The following ANKRD10 variants were observed in gnomAD, a reference collection of about 807,000 sequenced individuals.
The protein encoded by ANKRD10 is ankyrin repeat domain-containing protein 10.
ANKRD10 carries 14 observed loss-of-function variants against 27.0 expected under a neutral mutation model. That is an observed-to-expected ratio of 0.52 (90% confidence interval 0.34 to 0.81). The LOEUF (loss-of-function observed/expected upper bound fraction) is 0.81, where lower values mean the gene tolerates loss of function less well. Ranked by LOEUF, ANKRD10 falls within the 40% of genes least tolerant of loss-of-function variation. The pLI is 0.01. For missense variants in ANKRD10, 493 were observed against 544.0 expected, an observed-to-expected ratio of 0.91 and a Z score of 0.93; for synonymous variants, 250 against 224.5, an observed-to-expected ratio of 1.11 and a Z score of -1.01.
intron 1 of ANKRD10, among the ~76,000 whole-genome samples, chr13:110,912,994 C>T (rs1369380735): frequency 6.6e-6 from 1 of 152,238 alleles, no homozygotes; most frequent in African/African-American, 2.4e-5. Flanking sequence ...AAAGCTACTA[C>T]TCAAAGTCCC....
chr13:110,890,470 G>C (rs2065045463), intron 4 of ANKRD10, among the ~76,000 whole-genome samples: 1 of 152,200 alleles, frequency 6.6e-6, no homozygotes, highest in Non-Finnish European at 1.5e-5. Flanking sequence ...ACACACTCTT[G>C]TGACGAGTGT....
At position 110,906,035 on chromosome 13, in the gene ANKRD10, G is replaced by A; in HGVS notation, c.453C>T (p.Val151=). 3.8e-6 allele frequency: 6 copies of A among 1,593,092 alleles called. No individual in the cohort carries two copies. Among genetic ancestry groups the A allele is most frequent in the South Asian group, 1.1e-5 (1 of 87,864 alleles). Residue 151 remains valine, a splice_region_variant and synonymous_variant, in exon 3 of 6, where the codon GTC becomes GTT. Transcript: ENST00000267339. ...AAGAATAAACGAAAGACACTTACTCGACGTGAGCCCCATTCGCCACAAGGG... is the reference window on the plus strand; with the variant it reads ...AAGAATAAACGAAAGACACTTACTCAACGTGAGCCCCATTCGCCACAAGGG... The part of the protein sequence containing the change: ...ISALVANGAH[V]DLRNASGLTA...
At chr13:110,880,562 G>GA (rs969298144) in intron 5 of ANKRD10, among the ~76,000 whole-genome samples, 1 of 151,868 alleles carries the variant, frequency 6.6e-6, no homozygotes, top group Non-Finnish European at 1.5e-5. Flanking sequence ...AGCGAAAATG[G>GA]AAAAAAAGGT....
intron 1 of ANKRD10, 60 bp downstream of exon 1, chr13:110,914,665 C>G (rs2065834770): frequency 1.3e-6 from 2 of 1,509,906 alleles, no homozygotes; most frequent in Non-Finnish European, 8.9e-7. Flanking sequence ...CTCAGACCCG[C>G]TTTCCCCGAC....
chr13:110,909,699 T>C (rs2065639926), intron 2 of ANKRD10, among the ~76,000 whole-genome samples: 1 of 152,206 alleles, frequency 6.6e-6, no homozygotes, highest in Non-Finnish European at 1.5e-5. Context: ...ACCTTCTTTC[T>C]CAATTACTTA....
intron 1 of ANKRD10, among the ~76,000 whole-genome samples, chr13:110,913,019 T>C (rs904964500): frequency 3.9e-5 from 6 of 152,378 alleles, no homozygotes; most frequent in Admixed American, 2.0e-4. Flanking sequence ...AAGTAGACTT[T>C]TGAAAAGTGA....
At chr13:110,893,533 T>C (rs1299866024) in intron 3 of ANKRD10, among the ~76,000 whole-genome samples, 1 of 152,264 alleles carries the variant, frequency 6.6e-6, no homozygotes, top group Non-Finnish European at 1.5e-5. Flanking sequence ...TCATGTTTTA[T>C]GTTAGTCTGA....
chr13:110,891,407 A>C (rs1487799615), intron 4 of ANKRD10, among the ~76,000 whole-genome samples: 1 of 152,124 alleles, frequency 6.6e-6, no homozygotes, highest in East Asian at 1.9e-4. Context: ...GCAGATCTTC[A>C]TGTCATGCTT....
At chr13:110,881,926 G>A (rs187346274) in intron 5 of ANKRD10, among the ~76,000 whole-genome samples, 16 of 152,200 alleles carry the variant, frequency 1.1e-4, no homozygotes, top group Non-Finnish European at 1.8e-4. Flanking sequence ...CGCACATCAC[G>A]ACCTCCAACG....
intron 3 of ANKRD10, among the ~76,000 whole-genome samples, chr13:110,897,895 G>C (rs1418893037): frequency 6.6e-6 from 1 of 152,192 alleles, no homozygotes; most frequent in Non-Finnish European, 1.5e-5. Flanking sequence ...TCTAACGGGG[G>C]TAAGACAATC....
rs200579830 is a variant in ANKRD10, at chr13:110,883,766, A to G, written c.719T>C (p.Leu240Pro). The change falls in exon 5 of 6, where the codon CTC (leucine) becomes CCC (proline). Residue 240 changes from leucine to proline, a missense_variant. Physicochemically the swap from Leu to Pro is moderately conservative, Grantham distance 98. Coordinates refer to ENST00000267339, the MANE Select transcript of ANKRD10 (RefSeq NM_017664.4). Reference protein sequence around the residue: ...EAQSLDSAVPLTNGDTEDDAD... With the variant: ...EAQSLDSAVPPTNGDTEDDAD... The stretch of plus-strand genomic sequence containing the variant: ...ATCGTCTTCTGTGTCGCCATTCGTG[A>G]GTGGCACGGCAGAATCCAAGCTTTG... The G allele has an allele frequency of 8.7e-6, 14 of 1,614,222 alleles. No homozygotes were observed. The African/African-American group carries it at 1.5e-4, about 17-fold the overall frequency.
intron 1 of ANKRD10, among the ~76,000 whole-genome samples, chr13:110,913,557 T>A (rs1484768953): frequency 6.6e-6 from 1 of 152,192 alleles, no homozygotes; most frequent in Admixed American, 6.5e-5. Context: ...AAAAGTGACT[T>A]TTCCACTTTA....
chr13:110,904,937 G>A (rs1312953105), intron 3 of ANKRD10: 2 of 152,122 alleles, frequency 1.3e-5, no homozygotes, highest in African/African-American at 4.8e-5. Context: ...TACACACGTC[G>A]TGCATTAGCC....
chr13:110,915,005 C>T lies in ANKRD10; in HGVS notation c.-71G>A, dbSNP rs2065852542. On this transcript the variant is annotated 5_prime_UTR_variant, in exon 1 of 6. Coordinates refer to ENST00000267339, the MANE Select transcript of ANKRD10 (RefSeq NM_017664.4). ...TCGGGGAGGACTCGAGAAGCCGCCG[C>T]CGCAGCACAAAGGAACGAGACTAGC... 1 of 1,483,740 alleles carries T rather than the reference C, an allele frequency of 6.7e-7. No homozygotes were observed. Among genetic ancestry groups the T allele is most frequent in the Non-Finnish European group, 8.9e-7 (1 of 1,122,084 alleles). 91.9% of individuals were successfully genotyped at this position (1,483,740 alleles called of 1,614,324 possible). A position where few individuals can be genotyped will look rare whatever the true frequency, so the allele number is the denominator to read the frequency against.
Position 110,914,867 on chromosome 13 carries a change from C to T in ANKRD10, c.68G>A (p.Arg23His). The T allele has an allele frequency of 6.4e-7, 1 of 1,553,632 alleles. No homozygotes were observed. The highest frequency in any genetic ancestry group is 8.7e-7 in the Non-Finnish European group (1 of 1,151,670). The change falls in exon 1 of 6, where the codon CGT becomes CAT. Residue 23 changes from arginine to histidine, a missense_variant. By Grantham distance (29) the Arg-to-His change is conservative. Coordinates refer to ENST00000267339, the MANE Select transcript of ANKRD10 (RefSeq NM_017664.4). ...GCGGCAGGCGCGGTGCAGCGGGAAA[C>T]GGAGCGAGAGCAGCTCCTCGCTGGA... ...GFSSEELLSL[R>H]FPLHRACRDG...
chr13:110,892,436 A>AAAAAAAAAAAAAAAAAAAAAAAAAAAT (rs1555321016), intron 4 of ANKRD10, among the ~76,000 whole-genome samples: 1 of 144,468 alleles, frequency 6.9e-6, no homozygotes, highest in Non-Finnish European at 1.5e-5. Context: ...AAAAAAAAAA[A>AAAAAAAAAAAAAAAAAAAAAAAAAAAT]TGGTGGGAGA....
At chr13:110,885,324 G>A (rs896931083) in intron 4 of ANKRD10, among the ~76,000 whole-genome samples, 16 of 151,966 alleles carry the variant, frequency 1.1e-4, no homozygotes, top group South Asian at 2.1e-4. Context: ...AGGCCGAGGC[G>A]GGTGGATCAC....
At chr13:110,904,575 A>T (rs531716749) in intron 3 of ANKRD10, among the ~76,000 whole-genome samples, 2 of 152,348 alleles carry the variant, frequency 1.3e-5, no homozygotes, top group African/African-American at 4.8e-5. Flanking sequence ...CAATTTAATC[A>T]TGTTATGACT....
intron 3 of ANKRD10, among the ~76,000 whole-genome samples, chr13:110,904,774 A>G (rs919649645): frequency 1.3e-5 from 2 of 152,236 alleles, no homozygotes; most frequent in Non-Finnish European, 2.9e-5. Flanking sequence ...TGAAGTCGCG[A>G]GAGTCCCTGC....
Sources: gnomAD v4.1 joint callset for allele counts (sites outside exome capture counted in the v4.1 genomes callset) on GRCh38, gnomAD v4.1.1 for gene constraint, MANE v1.5 for transcripts, NCBI Gene and HGNC (gene_info 2026-07-23, HGNC 2026-07-21) for gene names.